FAM168B: variants seen among roughly 807,000 people sequenced by gnomAD.
The protein encoded by FAM168B is myelin-associated neurite-outgrowth inhibitor.
A neutral mutation model predicts 21.8 loss-of-function variants in FAM168B; 19 were observed. The observed-to-expected ratio is 0.87, with a 90% CI of 0.61 to 1.28. The LOEUF (loss-of-function observed/expected upper bound fraction) is 1.28, where lower values mean the gene tolerates loss of function less well. FAM168B is among the 50% of genes most tolerant of loss of function. FAM168B has a pLI of 0.00. For missense variants in FAM168B, 233 were observed against 263.1 expected, an observed-to-expected ratio of 0.89 and a Z score of 0.79; for synonymous variants, 126 against 104.8, an observed-to-expected ratio of 1.20 and a Z score of -1.24.
chr2:131,067,723 T>TCTCA (rs1692640077), intron 3 of FAM168B, among the ~76,000 whole-genome samples: 2 of 149,440 alleles, frequency 1.3e-5, no homozygotes, highest in Admixed American at 1.3e-4. Flanking sequence ...CCTATCACAC[T>TCTCA]CACACACACA....
chr2:131,061,528 C>T (rs1482158833), intron 3 of FAM168B, among the ~76,000 whole-genome samples: 1 of 152,054 alleles, frequency 6.6e-6, no homozygotes, highest in East Asian at 1.9e-4. Flanking sequence ...TGCCTGTAAT[C>T]CCAGCACTTT....
intron 1 of FAM168B, among the ~76,000 whole-genome samples, chr2:131,084,957 C>T (rs1693608517): frequency 6.6e-6 from 1 of 152,130 alleles, no homozygotes; most frequent in Admixed American, 6.6e-5. Context: ...TCAAGTGATC[C>T]TCCCGCCTTG....
chr2:131,085,295 T>C (rs936466829), intron 1 of FAM168B, among the ~76,000 whole-genome samples: 21 of 152,090 alleles, frequency 1.4e-4, no homozygotes, highest in African/African-American at 5.1e-4. Flanking sequence ...GAAAAACATG[T>C]AATAAGTAAC....
At chr2:131,072,011 A>G in intron 2 of FAM168B, 73 bp from the exon 3 acceptor site, 1 of 1,358,148 alleles carries the variant, frequency 7.4e-7, no homozygotes, top group Non-Finnish European at 1.0e-6. Context: ...CTGCAAAGCC[A>G]TCGCTCTTAC....
At chr2:131,067,291 A>G (rs527572210) in intron 3 of FAM168B, among the ~76,000 whole-genome samples, 2 of 152,238 alleles carry the variant, frequency 1.3e-5, no homozygotes, top group East Asian at 3.9e-4. Flanking sequence ...AAGACATCTC[A>G]TCACAAGGGT....
intron 5 of FAM168B, 126 bp downstream of exon 5, chr2:131,055,146 T>C (rs1691939305): frequency 2.1e-6 from 2 of 952,542 alleles, no homozygotes; most frequent in South Asian, 3.0e-5. Context: ...CCCAAAGAAT[T>C]TTCTGTCCTT....
In FAM168B at chr2:131,051,802, C is replaced by A; in HGVS notation, c.*663G>T. On this transcript the variant is annotated 3_prime_UTR_variant, in exon 7 of 7. Coordinates refer to ENST00000389915, the MANE Select transcript of FAM168B (RefSeq NM_001009993.4). ...CCACTGACTCCACCAAGCCTAAACTCAAAGGGATGTCCATGAACCAGCTGC... is the reference window on the plus strand; with the variant it reads ...CCACTGACTCCACCAAGCCTAAACTAAAAGGGATGTCCATGAACCAGCTGC... The A allele has an allele frequency of 2.0e-6, 2 of 985,440 alleles. No individual in the cohort carries two copies. Among genetic ancestry groups the A allele is most frequent in the Non-Finnish European group, 2.4e-6 (2 of 829,960 alleles). The allele number at this position is 985,440 out of a possible 1,614,324, so 61.0% of individuals were successfully genotyped here. A position where few individuals can be genotyped will look rare whatever the true frequency, so the allele number is the denominator to read the frequency against.
At chr2:131,088,390 G>C (rs1475822218) in intron 1 of FAM168B, among the ~76,000 whole-genome samples, 1 of 151,384 alleles carries the variant, frequency 6.6e-6, no homozygotes, top group Non-Finnish European at 1.5e-5. Flanking sequence ...AAATGACCCA[G>C]TTTCTTCAAT....
At chr2:131,084,124 T>C (rs1164098876) in intron 1 of FAM168B, among the ~76,000 whole-genome samples, 1 of 151,836 alleles carries the variant, frequency 6.6e-6, no homozygotes, top group Non-Finnish European at 1.5e-5. Context: ...GATGGTCTCA[T>C]CTCTTGACCT....
At chr2:131,079,877 G>A (rs1693345962) in intron 2 of FAM168B, among the ~76,000 whole-genome samples, 1 of 152,152 alleles carries the variant, frequency 6.6e-6, no homozygotes, top group Non-Finnish European at 1.5e-5. Context: ...AACACTTTGG[G>A]AGGCCGAGGT....
At chr2:131,056,121 G>C (rs960303867) in intron 3 of FAM168B, among the ~76,000 whole-genome samples, 4 of 152,108 alleles carry the variant, frequency 2.6e-5, no homozygotes, top group Non-Finnish European at 4.4e-5. Context: ...TACACACACA[G>C]AGACTTAACT....
chr2:131,077,519 T>C (rs1255636796), intron 2 of FAM168B, among the ~76,000 whole-genome samples: 1 of 152,188 alleles, frequency 6.6e-6, no homozygotes. Flanking sequence ...TCCTATGTGA[T>C]AGCCCCCCCA....
chr2:131,050,991 G>A lies in FAM168B; in HGVS notation c.*1474C>T, dbSNP rs994944583. On this transcript the variant is annotated 3_prime_UTR_variant, in exon 7 of 7. Coordinates refer to ENST00000389915, the MANE Select transcript of FAM168B (RefSeq NM_001009993.4). ...GGATACAGGACGGGCATATTTTGGG[G>A]GCGGGGTGGAGGGAAGCCTTTTCAT... 8 of 985,326 alleles carry A rather than the reference G, an allele frequency of 8.1e-6. No individual in the cohort carries two copies. The highest frequency in any genetic ancestry group is 9.6e-6 in the Non-Finnish European group (8 of 829,958). 61.0% of individuals were successfully genotyped at this position (985,326 alleles called of 1,614,324 possible).
chr2:131,084,091 C>T (rs1218454418), intron 1 of FAM168B, among the ~76,000 whole-genome samples: 8 of 151,534 alleles, frequency 5.3e-5, no homozygotes, highest in Admixed American at 6.6e-5. Flanking sequence ...TTAGTAGAGA[C>T]GGGGTTTCAC....
intron 3 of FAM168B, among the ~76,000 whole-genome samples, chr2:131,064,587 C>T (rs1009242121): frequency 3.3e-5 from 5 of 152,256 alleles, no homozygotes; most frequent in African/African-American, 9.6e-5. Context: ...ACGAAGTGTG[C>T]GTGCAGAATA....
At chr2:131,064,192 T>G (rs776827865) in intron 3 of FAM168B, among the ~76,000 whole-genome samples, 22 of 152,122 alleles carry the variant, frequency 1.4e-4, no homozygotes, top group Non-Finnish European at 2.8e-4. Context: ...GATTTTAGAA[T>G]GCCAACTGTT....
chr2:131,078,441 G>C (rs1202477900), intron 2 of FAM168B, among the ~76,000 whole-genome samples: 9 of 152,180 alleles, frequency 5.9e-5, no homozygotes, highest in Non-Finnish European at 7.3e-5. Flanking sequence ...AGAAAGGACA[G>C]ACTGAAATGG....
intron 5 of FAM168B, among the ~76,000 whole-genome samples, chr2:131,053,715 A>G (rs1414141938): frequency 6.6e-6 from 1 of 152,078 alleles, no homozygotes; most frequent in East Asian, 1.9e-4. Flanking sequence ...CAGCTCTACA[A>G]AAAGTTTTAA....
chr2:131,049,324 C>T lies in FAM168B; in HGVS notation c.*3141G>A. 1.0e-6 allele frequency: 1 copy of T among 985,556 alleles called. No homozygotes were observed. The highest frequency in any genetic ancestry group is 1.2e-6 in the Non-Finnish European group (1 of 830,070). The allele number at this position is 985,556 out of a possible 1,614,324, so 61.1% of individuals were successfully genotyped here. ...AGGTGCCCACCCCAAGGCTCAGGAC[C>T]ACCCCCATTGCCTGTGAACACATTT... On this transcript the variant is annotated 3_prime_UTR_variant, in exon 7 of 7. Coordinates refer to ENST00000389915, the MANE Select transcript of FAM168B (RefSeq NM_001009993.4).
Sources: allele counts gnomAD v4.1 joint callset (sites outside exome capture counted in the v4.1 genomes callset), GRCh38; gene constraint gnomAD v4.1.1; transcripts MANE v1.5; gene names NCBI Gene and HGNC (gene_info 2026-07-23, HGNC 2026-07-21).